RREB1: variants seen among roughly 807,000 people sequenced by gnomAD.
The protein encoded by RREB1 is ras-responsive element-binding protein 1.
Under a neutral mutation model 117.8 loss-of-function variants are expected in RREB1, and 27 were observed. The observed-to-expected ratio is 0.23, with a 90% CI of 0.17 to 0.32. The LOEUF (loss-of-function observed/expected upper bound fraction) is 0.32, where lower values mean the gene tolerates loss of function less well. Ranked by LOEUF, RREB1 falls within the 10% of genes least tolerant of loss-of-function variation. RREB1 has a pLI of 1.00. For missense variants in RREB1, 2,577 were observed against 2,378.2 expected (o/e 1.08, Z -1.74); for synonymous variants, 1,298 against 1,026.7 (o/e 1.26, Z -5.05).
intron 6 of RREB1, among the ~76,000 whole-genome samples, chr6:7,207,853 A>G (rs1278788136): frequency 6.6e-6 from 1 of 152,240 alleles, no homozygotes; most frequent in Admixed American, 6.5e-5. Context: ...ATGTTATAAC[A>G]CAGCATCTCC....
chr6:7,117,394 T>TTTTG (rs1761454560), intron 1 of RREB1, among the ~76,000 whole-genome samples: 4 of 25,816 alleles, frequency 1.5e-4, no homozygotes, highest in African/African-American at 1.8e-4. Flanking sequence ...TCCTGTTTTT[T>TTTTG]TTTTTTTTTT....
At chr6:7,189,441 G>A in intron 6 of RREB1, 119 bp downstream of exon 6, 1 of 978,056 alleles carries the variant, frequency 1.0e-6, no homozygotes, top group Non-Finnish European at 1.5e-6. Flanking sequence ...CTGGAGCTCT[G>A]TCCATTGTAT....
chr6:7,231,979 A>C, intron 10 of RREB1, 72 bp downstream of exon 10: 2 of 1,414,970 alleles, frequency 1.4e-6, no homozygotes, highest in Non-Finnish European at 1.9e-6. Context: ...TGGGGGTCAA[A>C]AGCGAGACCC....
At chr6:7,157,992 G>A (rs1297770) in intron 1 of RREB1, among the ~76,000 whole-genome samples, 1 of 151,840 alleles carries the variant, frequency 6.6e-6, no homozygotes, top group African/African-American at 2.4e-5. Flanking sequence ...ACCCTGCTTA[G>A]CCCTGAATAT....
chr6:7,163,986 C>T (rs961494592), intron 1 of RREB1, among the ~76,000 whole-genome samples: 2 of 152,148 alleles, frequency 1.3e-5, no homozygotes, highest in African/African-American at 2.4e-5. Flanking sequence ...AGTCAGCTGG[C>T]TCCTGTTCTC....
At chr6:7,211,248 CA>C (rs1481125095) in intron 7 of RREB1, among the ~76,000 whole-genome samples, 4 of 138,038 alleles carry the variant, frequency 2.9e-5, no homozygotes. Flanking sequence ...CTTTTGTCCT[CA>C]CTTTTTTATT....
intron 1 of RREB1, among the ~76,000 whole-genome samples, chr6:7,159,613 TATCTC>T (rs1763549500): frequency 6.6e-6 from 1 of 152,222 alleles, no homozygotes; most frequent in Non-Finnish European, 1.5e-5. Context: ...TGAGATGGTT[TATCTC>T]ATCTCATCTT....
rs1299817097 is a variant in RREB1 at position 7,229,881 on chromosome 6, G to T, written c.1782G>T (p.Thr594=). Reference sequence around the variant, plus strand: ...TGCCGGGCCAGCCTGAGATGAAGACGCAGCTGGAGCAGGACAGCATCATCG... The same window carrying T: ...TGCCGGGCCAGCCTGAGATGAAGACTCAGCTGGAGCAGGACAGCATCATCG... The part of the protein sequence containing the change: ...AELPGQPEMK[T]QLEQDSIIEA... Residue 594 remains threonine (T), a synonymous_variant, in exon 10 of 13, where the codon ACG becomes ACT. Transcript: ENST00000379938. This position sits in a 1 kb window ranked among gnomAD's most constrained non-coding sequence, Gnocchi z 4.5. 6.2e-7 allele frequency: 1 copy of T among 1,610,208 alleles called. No individual in the cohort carries two copies. Among genetic ancestry groups the T allele is most frequent in the Admixed American group, 1.7e-5 (1 of 59,806 alleles).
In RREB1 at chr6:7,250,891, A is replaced by G. The variant is rs1294845947; in HGVS notation, c.*1923A>G. On this transcript the variant is annotated 3_prime_UTR_variant, in exon 13 of 13. Coordinates refer to ENST00000379938, the MANE Select transcript of RREB1 (RefSeq NM_001003699.4). ...TTAAAAACGAGGTTTTATTTACTGT[A>G]GAGATGAATGCAAATCAGAACCAAT... The G allele has an allele frequency of 2.6e-5, 4 of 152,330 alleles. No individual in the cohort carries two copies. The highest frequency in any genetic ancestry group is 1.9e-4 in the East Asian group (1 of 5,182). The allele number at this position is 152,330 out of a possible 1,614,324, so 9.4% of individuals were successfully genotyped here. A position where few individuals can be genotyped will look rare whatever the true frequency, so the allele number is the denominator to read the frequency against.
chr6:7,125,987 T>TTTTGTTG (rs1554115473), intron 1 of RREB1, among the ~76,000 whole-genome samples: 1 of 150,688 alleles, frequency 6.6e-6, no homozygotes, highest in Non-Finnish European at 1.5e-5. Context: ...AAGGACTGTT[T>TTTTGTTG]TTTGTTTGTT....
intron 1 of RREB1, among the ~76,000 whole-genome samples, chr6:7,164,352 G>A (rs1035996914): frequency 3.7e-4 from 56 of 152,132 alleles, no homozygotes; most frequent in African/African-American, 1.3e-3. Flanking sequence ...TCAGTGGTAG[G>A]TATTTGGGCA....
At chr6:7,197,176 A>G (rs1473087559) in intron 6 of RREB1, among the ~76,000 whole-genome samples, 2 of 152,250 alleles carry the variant, frequency 1.3e-5, no homozygotes, top group Non-Finnish European at 2.9e-5. Flanking sequence ...AATGTGCCTC[A>G]TTTGGAATAA....
At chr6:7,138,369 A>G (rs1353830050) in intron 1 of RREB1, among the ~76,000 whole-genome samples, 1 of 152,254 alleles carries the variant, frequency 6.6e-6, no homozygotes, top group African/African-American at 2.4e-5. Context: ...TGTTACGTTG[A>G]ACATTTTGAA....
chr6:7,147,248 A>C (rs780803812), intron 1 of RREB1, among the ~76,000 whole-genome samples: 1 of 152,254 alleles, frequency 6.6e-6, no homozygotes, highest in African/African-American at 2.4e-5. Context: ...TCTGTGAAGC[A>C]GAGAGGAATC....
chr6:7,138,107 G>C (rs778641347), intron 1 of RREB1, among the ~76,000 whole-genome samples: 7 of 152,060 alleles, frequency 4.6e-5, no homozygotes, highest in Non-Finnish European at 1.0e-4. Context: ...TTAACTCAAG[G>C]ATGTTAAAGA....
chr6:7,120,675 A>ATTT lies in RREB1; in HGVS notation c.-285+12627_-285+12629dup, dbSNP rs5874078. Among the ~76,000 whole-genome samples the ATTT allele has an allele frequency of 1.4e-4, 20 of 145,648 alleles. No individual in the cohort carries two copies. The East Asian group carries it at 3.9e-3, about 28-fold the overall frequency. On this transcript the variant is annotated intron_variant, in intron 1 of 12. Coordinates refer to ENST00000379938, the MANE Select transcript of RREB1 (RefSeq NM_001003699.4). ...TGATTTTTAGATGAGATGTACACCT[A>ATTT]TTTTTTTTTTTTTTGAGACAAGGCC...
chr6:7,200,074 G>A (rs1473869388), intron 6 of RREB1, among the ~76,000 whole-genome samples: 2 of 151,948 alleles, frequency 1.3e-5, no homozygotes, highest in East Asian at 1.9e-4. Context: ...CTCTTGTGTA[G>A]CCTGTTTTTT....
chr6:7,200,273 TG>T (rs1561776963), intron 6 of RREB1, among the ~76,000 whole-genome samples: 6 of 118,750 alleles, frequency 5.1e-5, no homozygotes, highest in African/African-American at 1.5e-4. Flanking sequence ...TGTGTGTGTG[TG>T]TGTGTGTATT....
At chr6:7,225,999 C>G (rs1767563791) in intron 8 of RREB1, among the ~76,000 whole-genome samples, 1 of 152,220 alleles carries the variant, frequency 6.6e-6, no homozygotes, top group South Asian at 2.1e-4. Context: ...TTATCCCTAT[C>G]AGATGCCAAG....
Sources: allele counts gnomAD v4.1 joint callset (sites outside exome capture counted in the v4.1 genomes callset), GRCh38; gene constraint gnomAD v4.1.1; non-coding constraint Gnocchi (gnomAD v3.1); transcripts MANE v1.5; gene names NCBI Gene and HGNC (gene_info 2026-07-23, HGNC 2026-07-21).